The following LRP8 variants were observed in gnomAD, a reference collection of about 807,000 sequenced individuals.
LRP8 encodes low-density lipoprotein receptor-related protein 8.
In LRP8, 46 loss-of-function variants were observed where a neutral mutation model predicts 111.6. That is an observed-to-expected ratio of 0.41 (90% CI 0.33 to 0.53). LRP8 has a LOEUF of 0.53. LRP8 is among the 20% of genes least tolerant of loss of function. The probability of loss-of-function intolerance (pLI) is 0.20; values close to 1 mark genes in which losing one functional copy is unlikely to be tolerated. For missense variants in LRP8, 959 were observed against 1,297.4 expected, an observed-to-expected ratio of 0.74 and a Z score of 4.01; for synonymous variants, 464 against 511.2, an observed-to-expected ratio of 0.91 and a Z score of 1.24.
At position 53,317,495 on chromosome 1, in the gene LRP8, C is replaced by A. The variant is rs1241026920; in HGVS notation, c.244+9378G>T. ...CCCGAGGAGCTGCTGTTCTCTCAGG[C>A]AGCCAAGTCCTCCCAACTGGCCAGT... On this transcript the variant is annotated intron_variant, in intron 2 of 18. Coordinates refer to ENST00000306052, the MANE Select transcript of LRP8 (RefSeq NM_004631.5). The surrounding 1 kb of genome is among the most constrained non-coding windows in gnomAD (Gnocchi z 4.9). 6.6e-6 allele frequency among the ~76,000 whole-genome samples: 1 copy of A among 152,194 alleles called. No individual in the cohort carries two copies. Among genetic ancestry groups the A allele is most frequent in the African/African-American group, 2.4e-5 (1 of 41,442 alleles).
intron 3 of LRP8, among the ~76,000 whole-genome samples, chr1:53,284,342 A>C (rs1201690047): frequency 6.6e-6 from 1 of 152,144 alleles, no homozygotes; most frequent in Admixed American, 6.5e-5. Context: ...GCAGGGCAGC[A>C]GTCCTGCACG....
rs1645729576 is a variant in LRP8 at position 53,246,482 on chromosome 1, T to C, written c.*536A>G. The C allele has an allele frequency of 6.6e-6, 1 of 152,348 alleles. No homozygotes were observed. Among genetic ancestry groups the C allele is most frequent in the African/African-American group, 2.4e-5 (1 of 41,324 alleles). The allele number at this position is 152,348 out of a possible 1,614,324, so 9.4% of individuals were successfully genotyped here. On this transcript the variant is annotated 3_prime_UTR_variant, in exon 19 of 19. Transcript: ENST00000306052. The stretch of plus-strand genomic sequence containing the variant: ...AATAAATACTCTCACTTCTCTAAAT[T>C]ATTTATAGAACTCATCTGATTTTTA...
chr1:53,273,850 G>A (rs556577706), intron 6 of LRP8, among the ~76,000 whole-genome samples: 2 of 152,310 alleles, frequency 1.3e-5, no homozygotes, highest in South Asian at 4.1e-4. Context: ...GCACCCAGGA[G>A]GTAGGTGCTG....
chr1:53,267,735 T>A (rs2100396263), intron 8 of LRP8: 1 of 152,350 alleles, frequency 6.6e-6, no homozygotes. Context: ...GATAAATAAG[T>A]GACCTAGACT....
Position 53,291,014 on chromosome 1 carries a change from C to T in LRP8, c.245-1325G>A, listed in dbSNP as rs1393422829. On this transcript the variant is annotated intron_variant, in intron 2 of 18. Coordinates refer to ENST00000306052, the MANE Select transcript of LRP8 (RefSeq NM_004631.5). ...TGGACCAAGCATCCAGGACCCGCTA[C>T]AGAACAAGGTGAGGAAGAGAGCACT... Among the ~76,000 whole-genome samples, 3 of 152,142 alleles carry T rather than the reference C, an allele frequency of 2.0e-5. No homozygotes were observed. In the East Asian group the frequency reaches 5.8e-4, roughly 29 times the overall value.
Position 53,250,556 on chromosome 1 carries a change from A to C in LRP8, c.2676+134T>G, listed in dbSNP as rs1295544673. 5 of 714,788 alleles carry C rather than the reference A, an allele frequency of 7.0e-6. No homozygotes were observed. The highest frequency in any genetic ancestry group is 9.3e-6 in the Non-Finnish European group (4 of 429,874). The allele number at this position is 714,788 out of a possible 1,614,324, so 44.3% of individuals were successfully genotyped here. On this transcript the variant is annotated intron_variant, in intron 17 of 18. Coordinates refer to ENST00000306052, the MANE Select transcript of LRP8 (RefSeq NM_004631.5). This position sits in a 1 kb window ranked among gnomAD's most constrained non-coding sequence, Gnocchi z 4.6. ...CAGGGAGGGAGGGAAGGACGGAAGG[A>C]AAGGAGGGAGGGAAGGACGGAAGGA...
intron 3 of LRP8, among the ~76,000 whole-genome samples, chr1:53,283,269 C>T (rs111873789): frequency 1.1e-4 from 17 of 152,164 alleles, no homozygotes; most frequent in African/African-American, 3.6e-4. Flanking sequence ...TCACCAGACA[C>T]GGAAACTGCC....
chr1:53,279,090 G>A lies in LRP8; in HGVS notation c.496+1497C>T, dbSNP rs1318999670. ...TTTAATTTTACTTGAAGACTTGGAT[G>A]GCAAGGAAGTGCTTCTTCATACTGA... On this transcript the variant is annotated intron_variant, in intron 4 of 18. Coordinates refer to ENST00000306052, the MANE Select transcript of LRP8 (RefSeq NM_004631.5). The surrounding 1 kb of genome is among the most constrained non-coding windows in gnomAD (Gnocchi z 4.4). Among the ~76,000 whole-genome samples the A allele has an allele frequency of 6.6e-6, 1 of 151,946 alleles. No homozygotes were observed. The highest frequency in any genetic ancestry group is 1.5e-5 in the Non-Finnish European group (1 of 68,000).
chr1:53,282,538 A>T (rs1462983688), intron 3 of LRP8, among the ~76,000 whole-genome samples: 1 of 151,756 alleles, frequency 6.6e-6, no homozygotes, highest in Non-Finnish European at 1.5e-5. Context: ...CCAGGTAAGC[A>T]CCTCCCCTCT....
At chr1:53,306,431 T>G (rs148260816) in intron 2 of LRP8, among the ~76,000 whole-genome samples, 12 of 152,270 alleles carry the variant, frequency 7.9e-5, no homozygotes, top group African/African-American at 2.9e-4. Context: ...CTCTTTCTCT[T>G]GCCAAAGACA....
At position 53,250,531 on chromosome 1, in the gene LRP8, CAGGG is replaced by C. The variant is rs542267699; in HGVS notation, c.2676+155_2676+158del. Among the ~76,000 whole-genome samples, 28 of 135,886 alleles carry C rather than the reference CAGGG, an allele frequency of 2.1e-4. No individual in the cohort carries two copies. The South Asian group carries it at 4.7e-3, about 23-fold the overall frequency. The allele number at this position is 135,886 out of a possible 152,430, so 89.1% of individuals were successfully genotyped here. On this transcript the variant is annotated intron_variant, in intron 17 of 18. Transcript: ENST00000306052. This position sits in a 1 kb window ranked among gnomAD's most constrained non-coding sequence, Gnocchi z 4.6. ...GAAGGAAAGAAGGAAAGAAAAAAGACAGGGAGGGAGGGAAGGACGGAAGGAAAGG... is the reference window on the plus strand; with the variant it reads ...GAAGGAAAGAAGGAAAGAAAAAAGACAGGGAGGGAAGGACGGAAGGAAAGG...
intron 3 of LRP8, among the ~76,000 whole-genome samples, chr1:53,286,384 A>T (rs184451512): frequency 2.6e-5 from 4 of 151,802 alleles, no homozygotes; most frequent in African/African-American, 9.7e-5. Context: ...GGTTAATCAG[A>T]GAGGCCCCCC....
chr1:53,289,823 GCTT>G (rs1437147107), intron 2 of LRP8, 134 bp from the exon 3 acceptor site: 2 of 1,135,418 alleles, frequency 1.8e-6, no homozygotes, highest in Non-Finnish European at 1.2e-6. Context: ...GGAGAGACAA[GCTT>G]CTTCATTCCT....
chr1:53,285,272 G>C (rs923963866), intron 3 of LRP8, among the ~76,000 whole-genome samples: 2 of 152,124 alleles, frequency 1.3e-5, no homozygotes, highest in Non-Finnish European at 2.9e-5. Flanking sequence ...AGCAGACCCT[G>C]TTGGTCTCCC....
Position 53,266,783 on chromosome 1 carries a change from G to A in LRP8, c.1253-136C>T, listed in dbSNP as rs1298627232. 5.6e-6 allele frequency: 4 copies of A among 720,682 alleles called. No homozygotes were observed. Among genetic ancestry groups the A allele is most frequent in the South Asian group, 3.4e-5 (2 of 58,284 alleles). The allele number at this position is 720,682 out of a possible 1,614,324, so 44.6% of individuals were successfully genotyped here. ...AGTAGTGACAATTCCTACTTTACAG[G>A]TTGCAGGAGCAGATGAAATAATGAG... On this transcript the variant is annotated intron_variant, in intron 8 of 18. Coordinates refer to ENST00000306052, the MANE Select transcript of LRP8 (RefSeq NM_004631.5). This position sits in a 1 kb window ranked among gnomAD's most constrained non-coding sequence, Gnocchi z 5.0.
At chr1:53,251,495 A>G (rs1645894390) in intron 16 of LRP8, among the ~76,000 whole-genome samples, 1 of 151,730 alleles carries the variant, frequency 6.6e-6, no homozygotes, top group South Asian at 2.1e-4. Context: ...TGATTAAAGG[A>G]GGAAGCTCTC....
In LRP8 at chr1:53,258,427, C is replaced by T. The variant is rs765312552; in HGVS notation, c.2101G>A (p.Glu701Lys). The T allele has an allele frequency of 7.4e-6, 12 of 1,614,086 alleles. No individual in the cohort carries two copies. Among genetic ancestry groups the T allele is most frequent in the Non-Finnish European group, 1.0e-5 (12 of 1,180,004 alleles). ...ELSVQPNGGC[E>K]YLCLPAPQIS... ...TGAGGAGCAGGAAGGCACAGGTATTCACAGCCTCCATTAGGCTGGACACTC... is the reference window on the plus strand; with the variant it reads ...TGAGGAGCAGGAAGGCACAGGTATTTACAGCCTCCATTAGGCTGGACACTC... Residue 701 changes from glutamate to lysine, a missense_variant, in exon 14 of 19, where the codon GAA (glutamate) becomes AAA (lysine). Transcript: ENST00000306052.
At chr1:53,260,331 C>T in intron 13 of LRP8, 133 bp downstream of exon 13, 1 of 787,270 alleles carries the variant, frequency 1.3e-6, no homozygotes, top group Non-Finnish European at 2.1e-6. Flanking sequence ...ACTCTACCAA[C>T]AAGAGGGATT....
chr1:53,288,709 C>T (rs562566150), intron 3 of LRP8, among the ~76,000 whole-genome samples: 1 of 152,248 alleles, frequency 6.6e-6, no homozygotes, highest in South Asian at 2.1e-4. Context: ...TGGGTCCCCG[C>T]CAGCCCCACT....
Sources: allele counts gnomAD v4.1 joint callset (sites outside exome capture counted in the v4.1 genomes callset), GRCh38; gene constraint gnomAD v4.1.1; non-coding constraint Gnocchi (gnomAD v3.1); transcripts MANE v1.5; gene names NCBI Gene and HGNC (gene_info 2026-07-23, HGNC 2026-07-21).